The following GRID2 variants were observed in gnomAD, a reference collection of about 807,000 sequenced individuals.
The protein encoded by GRID2 is glutamate ionotropic receptor delta type subunit 2, also known as glutamate receptor ionotropic, delta-2.
In GRID2, 33 loss-of-function variants were observed where a neutral mutation model predicts 114.8. That is an observed-to-expected ratio of 0.29 (90% CI 0.22 to 0.38). GRID2 has a LOEUF of 0.38. Among genes scored for constraint, GRID2 ranks in the 10% least tolerant of loss-of-function variants. The pLI is 1.00. For synonymous variants in GRID2, 505 were observed against 449.9 expected (o/e 1.12, Z -1.55); for missense variants, 1,184 against 1,257.7 (o/e 0.94, Z 0.89).
intron 2 of GRID2, among the ~76,000 whole-genome samples, chr4:92,939,532 A>G (rs1401454062): frequency 6.8e-6 from 1 of 147,176 alleles, no homozygotes; most frequent in Non-Finnish European, 1.5e-5. Context: ...TCACTCTGAT[A>G]GTAGTTTCTG....
intron 2 of GRID2, among the ~76,000 whole-genome samples, chr4:92,982,259 A>G (rs1041787833): frequency 3.3e-5 from 5 of 151,948 alleles, no homozygotes; most frequent in Non-Finnish European, 7.4e-5. Flanking sequence ...AGCTCTTGAT[A>G]TTTGTGATAA....
chr4:93,596,308 G>A (rs34565787), intron 13 of GRID2, among the ~76,000 whole-genome samples: 742 of 152,138 alleles, frequency 4.9e-3, no homozygotes, highest in Non-Finnish European at 8.8e-3. Flanking sequence ...GGCTGGGTGC[G>A]GTGGCTCACG....
At chr4:93,413,677 A>G (rs1283089460) in intron 9 of GRID2, among the ~76,000 whole-genome samples, 1 of 152,152 alleles carries the variant, frequency 6.6e-6, no homozygotes, top group East Asian at 1.9e-4. Context: ...TTCACCCTCA[A>G]TGGTTGCTGT....
chr4:93,473,360 T>G (rs1344593296), intron 11 of GRID2, among the ~76,000 whole-genome samples: 1 of 152,162 alleles, frequency 6.6e-6, no homozygotes, highest in Non-Finnish European at 1.5e-5. Flanking sequence ...TACTTCATAT[T>G]TGAACATTTC....
chr4:93,557,394 T>G (rs747990925), intron 13 of GRID2, among the ~76,000 whole-genome samples: 3 of 152,080 alleles, frequency 2.0e-5, no homozygotes, highest in Non-Finnish European at 4.4e-5. Context: ...TGGAGGAATA[T>G]TTACCAAGCA....
chr4:93,413,862 T>G (rs1166304016), intron 9 of GRID2, among the ~76,000 whole-genome samples: 1 of 152,232 alleles, frequency 6.6e-6, no homozygotes, highest in Admixed American at 6.5e-5. Flanking sequence ...GTTAATTTTG[T>G]ATTCAGTGCT....
intron 2 of GRID2, among the ~76,000 whole-genome samples, chr4:92,744,678 T>C (rs1277359660): frequency 6.6e-6 from 1 of 152,046 alleles, no homozygotes; most frequent in East Asian, 1.9e-4. Flanking sequence ...TCTCATCCTT[T>C]AGTTTTTTTC....
At position 93,614,013 on chromosome 4, in the gene GRID2, G is replaced by C. The variant is rs377637055; in HGVS notation, c.2194-12256G>C. Among the ~76,000 whole-genome samples the C allele has an allele frequency of 8.6e-5, 13 of 151,964 alleles. No homozygotes were observed. The East Asian group carries it at 2.0e-3, about 23-fold the overall frequency. On this transcript the variant is annotated intron_variant, in intron 13 of 15. Transcript: ENST00000282020. ...AGCCAGGTGTGGGATATAGTCTCGT[G>C]GTGCGCCGTTTTTTAAGCCGGTCTG...
chr4:92,524,935 T>A (rs1209416883), intron 1 of GRID2, among the ~76,000 whole-genome samples: 1 of 152,058 alleles, frequency 6.6e-6, no homozygotes, highest in Non-Finnish European at 1.5e-5. Context: ...AATAAAGGAA[T>A]ATAAACCCTT....
At chr4:93,441,419 A>G (rs769993853) in intron 10 of GRID2, among the ~76,000 whole-genome samples, 54 of 152,158 alleles carry the variant, frequency 3.5e-4, no homozygotes, top group Admixed American at 1.0e-3. Flanking sequence ...TACAAGTAAA[A>G]GAGAATAATA....
At chr4:92,606,336 A>G (rs7670866) in intron 2 of GRID2, among the ~76,000 whole-genome samples, 8 of 151,986 alleles carry the variant, frequency 5.3e-5, no homozygotes, top group African/African-American at 1.7e-4. Flanking sequence ...TTAGCGTTTT[A>G]CAGATGAAGA....
intron 1 of GRID2, among the ~76,000 whole-genome samples, chr4:92,539,650 A>G (rs1336689330): frequency 6.6e-6 from 1 of 152,174 alleles, no homozygotes; most frequent in Non-Finnish European, 1.5e-5. Flanking sequence ...AATGATTGTC[A>G]TTGCTACCAA....
intron 14 of GRID2, among the ~76,000 whole-genome samples, chr4:93,734,656 C>G (rs990578518): frequency 6.6e-6 from 1 of 151,926 alleles, no homozygotes; most frequent in African/African-American, 2.4e-5. Flanking sequence ...GCCCAGACAA[C>G]AGACTGTGGC....
At chr4:92,710,190 G>C (rs1735175080) in intron 2 of GRID2, among the ~76,000 whole-genome samples, 1 of 151,998 alleles carries the variant, frequency 6.6e-6, no homozygotes, top group South Asian at 2.1e-4. Context: ...TGTTTTGATA[G>C]ATTTCCAGCC....
intron 2 of GRID2, among the ~76,000 whole-genome samples, chr4:92,899,928 A>T (rs145346160): frequency 3.3e-4 from 50 of 152,278 alleles, no homozygotes; most frequent in Middle Eastern, 3.4e-3. Flanking sequence ...AATTAGTCCT[A>T]GCCCTCGTCA....
chr4:92,972,169 A>G (rs1753561344), intron 2 of GRID2, among the ~76,000 whole-genome samples: 1 of 151,526 alleles, frequency 6.6e-6, no homozygotes, highest in Non-Finnish European at 1.5e-5. Context: ...TCAACAGTGT[A>G]TAAGATTTCT....
In GRID2 at chr4:93,085,061, C is replaced by A; in HGVS notation, c.311C>A (p.Ser104Tyr). Residue 104 changes from serine to tyrosine, a missense_variant, in exon 3 of 16, where the codon TCC (serine) becomes TAC (tyrosine). Physicochemically the swap from Ser to Tyr is moderately radical, Grantham distance 144 (BLOSUM62 -2). Coordinates refer to ENST00000282020, the MANE Select transcript of GRID2 (RefSeq NM_001510.4). ...VSSIGCTSAG[S>Y]LQSLADAMHI... Reference sequence around the variant, plus strand: ...TCCATTGGCTGCACGTCAGCAGGATCCCTCCAGTCTTTGGCAGACGCCATG... The same window carrying A: ...TCCATTGGCTGCACGTCAGCAGGATACCTCCAGTCTTTGGCAGACGCCATG... The A allele has an allele frequency of 1.2e-6, 2 of 1,613,980 alleles. No individual in the cohort carries two copies. Among genetic ancestry groups the A allele is most frequent in the Non-Finnish European group, 1.7e-6 (2 of 1,179,856 alleles).
intron 2 of GRID2, among the ~76,000 whole-genome samples, chr4:92,903,820 G>A (rs758861004): frequency 2.7e-4 from 41 of 151,892 alleles, no homozygotes; most frequent in Non-Finnish European, 5.6e-4. Flanking sequence ...GATAAAATCT[G>A]ATTTACATAC....
chr4:92,617,756 T>A (rs919584504), intron 2 of GRID2, among the ~76,000 whole-genome samples: 17 of 151,774 alleles, frequency 1.1e-4, no homozygotes, highest in Admixed American at 7.9e-4. Context: ...CCCTGATGAT[T>A]AGTGATAGTG....
Sources: gnomAD v4.1 joint callset for allele counts (sites outside exome capture counted in the v4.1 genomes callset) on GRCh38, gnomAD v4.1.1 for gene constraint, MANE v1.5 for transcripts, NCBI Gene and HGNC (gene_info 2026-07-23, HGNC 2026-07-21) for gene names.